SHC3: variants seen among roughly 807,000 people sequenced by gnomAD.
SHC3 encodes the protein SHC adaptor protein 3, also known as SHC-transforming protein 3.
In SHC3, 15 loss-of-function variants were observed where a neutral mutation model predicts 60.4. That is an observed-to-expected ratio of 0.25 (90% CI 0.17 to 0.38). The LOEUF (loss-of-function observed/expected upper bound fraction) is 0.38, where lower values mean the gene tolerates loss of function less well. Among genes scored for constraint, SHC3 ranks in the 10% least tolerant of loss-of-function variants. The probability of loss-of-function intolerance (pLI) is 1.00; values close to 1 mark genes in which losing one functional copy is unlikely to be tolerated. For synonymous variants in SHC3, 294 were observed against 325.9 expected (o/e 0.90, Z 1.05); for missense variants, 677 against 786.1 (o/e 0.86, Z 1.66).
chr9:89,060,001 G>A (rs1825055176), intron 6 of SHC3, among the ~76,000 whole-genome samples: 1 of 147,414 alleles, frequency 6.8e-6, no homozygotes, highest in Non-Finnish European at 1.5e-5. Flanking sequence ...ACATGGTGGA[G>A]GATGGTGGTG....
chr9:89,098,444 C>G (rs1458806671), intron 2 of SHC3, among the ~76,000 whole-genome samples: 1 of 152,152 alleles, frequency 6.6e-6, no homozygotes, highest in African/African-American at 2.4e-5. Context: ...TAACATTGTC[C>G]TCAGGAAATG....
In SHC3 at chr9:89,009,470, G is replaced by A. The variant is rs942590523; in HGVS notation, c.*3977C>T. The A allele has an allele frequency of 3.3e-5, 5 of 152,224 alleles. No homozygotes were observed. Among genetic ancestry groups the A allele is most frequent in the South Asian group, 2.1e-4 (1 of 4,830 alleles). 9.4% of individuals were successfully genotyped at this position (152,224 alleles called of 1,614,324 possible). On this transcript the variant is annotated 3_prime_UTR_variant, in exon 12 of 12. Transcript: ENST00000375835. The stretch of plus-strand genomic sequence containing the variant: ...GGACAGCACACAAAGTTGGGCCAGC[G>A]AGAGAGAACCAATGGGCACGCTGGG...
intron 1 of SHC3, among the ~76,000 whole-genome samples, chr9:89,141,600 C>T (rs1290958225): frequency 2.6e-5 from 4 of 152,154 alleles, no homozygotes; most frequent in Admixed American, 1.3e-4. Flanking sequence ...TGCACCACAG[C>T]CCTGGGGGCC....
chr9:89,177,826 C>T (rs1240928861), intron 1 of SHC3, among the ~76,000 whole-genome samples, 161 bp downstream of exon 1: 1 of 152,252 alleles, frequency 6.6e-6, no homozygotes, highest in Non-Finnish European at 1.5e-5. Context: ...TCCCTCCTCA[C>T]CGCTGTCAAG....
At chr9:89,112,095 T>C (rs1825955441) in intron 2 of SHC3, among the ~76,000 whole-genome samples, 1 of 152,210 alleles carries the variant, frequency 6.6e-6, no homozygotes, top group African/African-American at 2.4e-5. Context: ...CCTTAAAGAA[T>C]TGGTCTGCTT....
intron 1 of SHC3, among the ~76,000 whole-genome samples, chr9:89,119,407 T>C (rs978708167): frequency 1.3e-5 from 2 of 151,918 alleles, no homozygotes; most frequent in African/African-American, 2.4e-5. Context: ...GTTAAAAATA[T>C]GTATGGGTTA....
intron 1 of SHC3, among the ~76,000 whole-genome samples, chr9:89,119,894 G>A (rs1489566430): frequency 1.3e-5 from 2 of 152,212 alleles, no homozygotes; most frequent in Admixed American, 6.5e-5. Context: ...GGAATTAGAA[G>A]ACAGTCCAGG....
At chr9:89,109,410 C>G in intron 2 of SHC3, 1 of 983,500 alleles carries the variant, frequency 1.0e-6, no homozygotes, top group Non-Finnish European at 1.2e-6. Flanking sequence ...AGAGTTGGGA[C>G]GGAATGTACA....
intron 6 of SHC3, among the ~76,000 whole-genome samples, chr9:89,065,266 T>C (rs569624349): frequency 6.6e-6 from 1 of 152,242 alleles, no homozygotes; most frequent in African/African-American, 2.4e-5. Flanking sequence ...TGTCAGAATA[T>C]GGGCAGGGGC....
chr9:89,130,371 A>C (rs1826226463), intron 1 of SHC3, among the ~76,000 whole-genome samples: 1 of 152,200 alleles, frequency 6.6e-6, no homozygotes, highest in Non-Finnish European at 1.5e-5. Flanking sequence ...CAGAAAGTTA[A>C]CAAGGATATC....
In SHC3 at chr9:89,013,305, A is replaced by T. The variant is rs1826038054; in HGVS notation, c.*142T>A. On this transcript the variant is annotated 3_prime_UTR_variant, in exon 12 of 12. Coordinates refer to ENST00000375835, the MANE Select transcript of SHC3 (RefSeq NM_016848.6). ...TTCAGAACCAAGTTTATGAAACTTGACCTTAAAGGAAGCCTTCCTTTTGAA... is the reference window on the plus strand; with the variant it reads ...TTCAGAACCAAGTTTATGAAACTTGTCCTTAAAGGAAGCCTTCCTTTTGAA... 3.9e-6 allele frequency: 4 copies of T among 1,036,092 alleles called. No individual in the cohort carries two copies. In the East Asian group the frequency reaches 1.1e-4, roughly 29 times the overall value. 64.2% of individuals were successfully genotyped at this position (1,036,092 alleles called of 1,614,324 possible). A position where few individuals can be genotyped will look rare whatever the true frequency, so the allele number is the denominator to read the frequency against.
intron 2 of SHC3, among the ~76,000 whole-genome samples, chr9:89,102,273 G>C (rs754513657): frequency 2.6e-5 from 4 of 151,692 alleles, no homozygotes; most frequent in Non-Finnish European, 5.9e-5. Context: ...AACCACCTTT[G>C]GTTTTCAATA....
intron 1 of SHC3, among the ~76,000 whole-genome samples, chr9:89,126,301 C>T (rs1403839505): frequency 6.6e-6 from 1 of 152,138 alleles, no homozygotes; most frequent in Non-Finnish European, 1.5e-5. Flanking sequence ...GGGTTCAAGG[C>T]CCAACTTAGG....
At chr9:89,097,736 G>C (rs1825725643) in intron 2 of SHC3, among the ~76,000 whole-genome samples, 1 of 152,234 alleles carries the variant, frequency 6.6e-6, no homozygotes, top group African/African-American at 2.4e-5. Context: ...TGGGCCACCA[G>C]AGGATGCCTC....
Position 89,039,258 on chromosome 9 carries a change from C to T in SHC3, c.1361-970G>A, listed in dbSNP as rs561617906. On this transcript the variant is annotated intron_variant, in intron 10 of 11. Transcript: ENST00000375835. ...AGAGCCCAGCATTGCTCCTAGCACA[C>T]AGTTCATTCAGTATAGTCAACAGAT... Among the ~76,000 whole-genome samples the T allele has an allele frequency of 1.8e-4, 27 of 152,356 alleles. No homozygotes were observed. The South Asian group carries it at 5.4e-3, about 30-fold the overall frequency.
At chr9:89,149,028 G>A (rs779929547) in intron 1 of SHC3, among the ~76,000 whole-genome samples, 6 of 152,168 alleles carry the variant, frequency 3.9e-5, no homozygotes, top group Non-Finnish European at 5.9e-5. Context: ...TGAGCTTGTG[G>A]AGTCTCTGTT....
chr9:89,132,196 T>C (rs1826256421), intron 1 of SHC3, among the ~76,000 whole-genome samples: 1 of 152,082 alleles, frequency 6.6e-6, no homozygotes, highest in Non-Finnish European at 1.5e-5. Flanking sequence ...GGAATCCAAC[T>C]TACAAGGTAT....
At chr9:89,042,762 T>A (rs1441164191) in intron 9 of SHC3, among the ~76,000 whole-genome samples, 1 of 152,156 alleles carries the variant, frequency 6.6e-6, no homozygotes, top group Admixed American at 6.5e-5. Context: ...GAGCCCCCTC[T>A]GCTGAGGCAG....
chr9:89,176,036 T>C (rs1309177732), intron 1 of SHC3, among the ~76,000 whole-genome samples: 1 of 152,188 alleles, frequency 6.6e-6, no homozygotes, highest in Admixed American at 6.5e-5. Context: ...GCGTTTATGT[T>C]CACATCACAG....
Sources: gnomAD v4.1 joint callset for allele counts (sites outside exome capture counted in the v4.1 genomes callset) on GRCh38, gnomAD v4.1.1 for gene constraint, MANE v1.5 for transcripts, NCBI Gene and HGNC (gene_info 2026-07-23, HGNC 2026-07-21) for gene names.